The following FHIT variants were observed in gnomAD, a reference collection of about 807,000 sequenced individuals.
FHIT encodes fragile histidine triad diadenosine triphosphatase.
FHIT carries 19 observed loss-of-function variants against 17.9 expected under a neutral mutation model. The ratio of observed to expected loss-of-function variants is 1.06; its 90% CI spans 0.74 to 1.56. The LOEUF (loss-of-function observed/expected upper bound fraction) is 1.56. FHIT is among the 40% of genes most tolerant of loss of function. FHIT has a pLI of 0.00. For missense variants in FHIT, 248 were observed against 189.2 expected (o/e 1.31, Z -1.82); for synonymous variants, 81 against 69.7 (o/e 1.16, Z -0.81).
intron 1 of FHIT, among the ~76,000 whole-genome samples, chr3:61,222,463 T>C (rs1009236817): frequency 3.9e-5 from 6 of 152,148 alleles, no homozygotes; most frequent in Non-Finnish European, 7.4e-5. Flanking sequence ...AACAGTCAGC[T>C]CTGAGGTCTG....
chr3:60,328,396 C>A (rs1257481103), intron 5 of FHIT, among the ~76,000 whole-genome samples: 6 of 152,136 alleles, frequency 3.9e-5, no homozygotes, highest in Non-Finnish European at 8.8e-5. Flanking sequence ...GCTGGAGAGG[C>A]CTTACAATCA....
At chr3:61,065,634 A>AG (rs934617259) in intron 2 of FHIT, among the ~76,000 whole-genome samples, 3 of 152,214 alleles carry the variant, frequency 2.0e-5, no homozygotes, top group African/African-American at 7.2e-5. Flanking sequence ...GATAAACATC[A>AG]GGGACAACTT....
In FHIT at chr3:60,426,548, A is replaced by G. The variant is rs543069140; in HGVS notation, c.103+110312T>C. 1.3e-3 allele frequency among the ~76,000 whole-genome samples: 191 copies of G among 152,232 alleles called. 1 individual carries two copies. Among genetic ancestry groups the G allele is most frequent in the African/African-American group, 4.4e-3 (181 of 41,540 alleles). ...CATCTATTTATCACTGCTCACATTC[A>G]TTCATTCCCTTATAGCTCAAAACCT... On this transcript the variant is annotated intron_variant, in intron 5 of 9. Coordinates refer to ENST00000492590, the MANE Select transcript of FHIT (RefSeq NM_002012.4).
At chr3:60,270,079 G>A (rs7636213) in intron 5 of FHIT, among the ~76,000 whole-genome samples, 13,664 of 152,232 alleles carry the variant, frequency 0.09, 769 homozygotes, top group Non-Finnish European at 0.13. Context: ...TCTCAGTCCA[G>A]AGAATTTGGA....
At chr3:60,481,392 A>G (rs895071630) in intron 5 of FHIT, among the ~76,000 whole-genome samples, 1 of 152,156 alleles carries the variant, frequency 6.6e-6, no homozygotes, top group Non-Finnish European at 1.5e-5. Context: ...CCAAGGTTGA[A>G]ATGAAGGAAA....
At chr3:59,802,128 T>A (rs1700018638) in intron 8 of FHIT, among the ~76,000 whole-genome samples, 1 of 152,294 alleles carries the variant, frequency 6.6e-6, no homozygotes, top group Non-Finnish European at 1.5e-5. Flanking sequence ...ATGCTCTGTA[T>A]GGCTTATGCA....
intron 5 of FHIT, among the ~76,000 whole-genome samples, chr3:60,521,447 C>T (rs1386216683): frequency 6.6e-6 from 1 of 152,062 alleles, no homozygotes; most frequent in Non-Finnish European, 1.5e-5. Flanking sequence ...CGGGGTTTCA[C>T]CGTGTTAGCC....
intron 3 of FHIT, among the ~76,000 whole-genome samples, chr3:60,874,859 A>C (rs1704573485): frequency 6.6e-6 from 1 of 152,190 alleles, no homozygotes; most frequent in Non-Finnish European, 1.5e-5. Flanking sequence ...CCTCTGAAAT[A>C]GGAAGGTCTG....
rs1490174790 is a variant in FHIT at position 61,067,818 on chromosome 3, C to T, written c.-163-25719G>A. 3.3e-5 allele frequency among the ~76,000 whole-genome samples: 5 copies of T among 152,198 alleles called. No homozygotes were observed. The East Asian group carries it at 9.6e-4, about 29-fold the overall frequency. ...TCTGCAGAATTTGAACACCCCAAGC[C>T]TTGAGTTAACCCTTTACTGAACAAC... On this transcript the variant is annotated intron_variant, in intron 2 of 9. Transcript: ENST00000492590.
At chr3:60,074,677 C>T (rs564094414) in intron 5 of FHIT, among the ~76,000 whole-genome samples, 18 of 151,558 alleles carry the variant, frequency 1.2e-4, no homozygotes, top group Admixed American at 7.2e-4. Flanking sequence ...AAAAAAACAA[C>T]ATGCACTTTA....
rs35428632 is a variant in FHIT at position 60,854,555 on chromosome 3, A to ATTTTTTTT, written c.-110-32552_-110-32545dup. ...GTCATGAATGCCCCAGCCTACTTCT[A>ATTTTTTTT]TTTTTTTTTTTTTTTTCCTCTGCTG... is the stretch of plus-strand genomic sequence containing the variant. On this transcript the variant is annotated intron_variant, in intron 3 of 9. Coordinates refer to ENST00000492590, the MANE Select transcript of FHIT (RefSeq NM_002012.4). 5.8e-5 allele frequency among the ~76,000 whole-genome samples: 8 copies of ATTTTTTTT among 138,508 alleles called. 1 individual carries two copies. Among genetic ancestry groups the ATTTTTTTT allele is most frequent in the Non-Finnish European group, 4.6e-5 (3 of 65,488 alleles). The allele number at this position is 138,508 out of a possible 152,430, so 90.9% of individuals were successfully genotyped here.
chr3:61,104,512 T>C lies in FHIT; in HGVS notation c.-163-62413A>G, dbSNP rs6762109. The stretch of plus-strand genomic sequence containing the variant: ...GCTGCCTTTAACATTTTTTCTGTCA[T>C]TTCAACCATGGAGAATCTGACGATT... On this transcript the variant is annotated intron_variant, in intron 2 of 9. Coordinates refer to ENST00000492590, the MANE Select transcript of FHIT (RefSeq NM_002012.4). Among the ~76,000 whole-genome samples, 406 of 152,294 alleles carry C rather than the reference T, an allele frequency of 2.7e-3. 3 individuals are homozygous for C. Among genetic ancestry groups the C allele is most frequent in the African/African-American group, 8.9e-3 (372 of 41,566 alleles).
chr3:61,051,249 CTGTT>C (rs57097773), intron 2 of FHIT, among the ~76,000 whole-genome samples: 20,656 of 150,726 alleles, frequency 0.14, 1,487 homozygotes, highest in African/African-American at 0.19. Context: ...ACCACTATCT[CTGTT>C]TGTTTGTTTG....
chr3:60,519,829 T>C (rs894156538), intron 5 of FHIT, among the ~76,000 whole-genome samples: 9 of 152,160 alleles, frequency 5.9e-5, no homozygotes, highest in African/African-American at 2.2e-4. Context: ...TCCAGGTTTA[T>C]GGTATGCATC....
At chr3:61,156,395 G>A (rs533175721) in intron 2 of FHIT, among the ~76,000 whole-genome samples, 200 of 151,870 alleles carry the variant, frequency 1.3e-3, no homozygotes, top group Non-Finnish European at 2.4e-3. Context: ...GGGAGGCCCC[G>A]GTTATCCATT....
intron 4 of FHIT, among the ~76,000 whole-genome samples, chr3:60,806,369 A>AT (rs1280197159): frequency 6.6e-6 from 1 of 152,150 alleles, no homozygotes; most frequent in Admixed American, 6.5e-5. Context: ...TCTAGGATCA[A>AT]TTTATCTGAA....
At chr3:60,273,510 T>A (rs1027102140) in intron 5 of FHIT, among the ~76,000 whole-genome samples, 1 of 152,044 alleles carries the variant, frequency 6.6e-6, no homozygotes, top group Non-Finnish European at 1.5e-5. Context: ...CTCAGGAGGC[T>A]GAGGGGGAGA....
intron 8 of FHIT, among the ~76,000 whole-genome samples, chr3:59,913,412 A>G (rs1704978593): frequency 6.6e-6 from 1 of 152,220 alleles, no homozygotes; most frequent in Admixed American, 6.5e-5. Flanking sequence ...AGACTTTGAT[A>G]TAAACAAGCT....
At chr3:60,896,261 T>A (rs1197447874) in intron 3 of FHIT, among the ~76,000 whole-genome samples, 2 of 152,104 alleles carry the variant, frequency 1.3e-5, no homozygotes, top group African/African-American at 4.8e-5. Flanking sequence ...AGGGCCCTTA[T>A]TTTTAGTGGG....
Sources: allele counts gnomAD v4.1 joint callset (sites outside exome capture counted in the v4.1 genomes callset), GRCh38; gene constraint gnomAD v4.1.1; transcripts MANE v1.5; gene names NCBI Gene and HGNC (gene_info 2026-07-23, HGNC 2026-07-21).